SLC3A1: variants seen among roughly 807,000 people sequenced by gnomAD.
The protein encoded by SLC3A1 is solute carrier family 3 member 1.
A neutral mutation model predicts 60.3 loss-of-function variants in SLC3A1; 78 were observed. That is an observed-to-expected ratio of 1.29 (90% CI 1.08 to 1.56). The LOEUF (loss-of-function observed/expected upper bound fraction) is 1.56. Among genes scored for constraint, SLC3A1 ranks in the 40% most tolerant of loss-of-function variants. SLC3A1 has a pLI of 0.00. For synonymous variants in SLC3A1, 392 were observed against 307.9 expected (o/e 1.27, Z -2.86); for missense variants, 1,172 against 858.9 (o/e 1.36, Z -4.56).
intron 4 of SLC3A1, among the ~76,000 whole-genome samples, chr2:44,287,900 G>T (rs978756180): frequency 3.9e-5 from 6 of 152,158 alleles, no homozygotes; most frequent in Admixed American, 3.9e-4. Context: ...AGAACCCTTG[G>T]TTTAGTTTAA....
At chr2:44,320,107 T>C in intron 9 of SLC3A1, 92 bp from the exon 10 acceptor site, 1 of 1,156,794 alleles carries the variant, frequency 8.6e-7, no homozygotes, top group South Asian at 1.4e-5. Flanking sequence ...GAGCAAGTGT[T>C]TTGGGTAAAT....
At chr2:44,295,284 G>A (rs886492936) in intron 4 of SLC3A1, among the ~76,000 whole-genome samples, 5 of 152,174 alleles carry the variant, frequency 3.3e-5, no homozygotes, top group African/African-American at 4.8e-5. Context: ...AAAACCAGGA[G>A]TGCGTGATGT....
intron 4 of SLC3A1, among the ~76,000 whole-genome samples, chr2:44,294,074 A>G (rs555058061): frequency 6.6e-6 from 1 of 152,324 alleles, no homozygotes; most frequent in African/African-American, 2.4e-5. Flanking sequence ...GAGCACTGAC[A>G]TCAAAGAGCT....
intron 1 of SLC3A1, among the ~76,000 whole-genome samples, chr2:44,277,350 GC>G (rs539056012): frequency 6.6e-6 from 1 of 151,688 alleles, no homozygotes; most frequent in Non-Finnish European, 1.5e-5. Flanking sequence ...CAGGTGATTT[GC>G]CCCCCCTTGG....
chr2:44,313,742 G>C (rs1313522293), intron 8 of SLC3A1, 93 bp from the exon 9 acceptor site: 12 of 1,033,948 alleles, frequency 1.2e-5, no homozygotes, highest in Non-Finnish European at 1.7e-5. Flanking sequence ...TAAGAACTAT[G>C]GGGAATTAAA....
intron 7 of SLC3A1, 70 bp from the exon 8 acceptor site, chr2:44,312,516 C>T (rs775996864): frequency 4.9e-4 from 752 of 1,546,890 alleles, no homozygotes; most frequent in Non-Finnish European, 5.5e-4. Flanking sequence ...TGTGAACTTT[C>T]TGTGAAATAG....
intron 7 of SLC3A1, among the ~76,000 whole-genome samples, chr2:44,309,669 G>T (rs768976927): frequency 5.9e-5 from 9 of 151,992 alleles, no homozygotes; most frequent in Non-Finnish European, 1.2e-4. Context: ...GTATGATCTC[G>T]GCTCACTGCA....
chr2:44,307,654 AGTAAT>A (rs1672191391), intron 7 of SLC3A1, among the ~76,000 whole-genome samples: 1 of 147,938 alleles, frequency 6.8e-6, no homozygotes, highest in Non-Finnish European at 1.5e-5. Context: ...TCTTATTTGG[AGTAAT>A]GTCTGTTCAG....
At chr2:44,284,967 G>T (rs1671581457) in intron 3 of SLC3A1, 1 of 152,070 alleles carries the variant, frequency 6.6e-6, no homozygotes, top group Non-Finnish European at 1.5e-5. Flanking sequence ...AATTCCTAAT[G>T]ATGTTGAACA....
In SLC3A1 at chr2:44,305,768, T is replaced by C. The variant is rs1558465425; in HGVS notation, c.1332+1430T>C. Among the ~76,000 whole-genome samples the C allele has an allele frequency of 2.0e-5, 3 of 152,194 alleles. No homozygotes were observed. The South Asian group carries it at 6.2e-4, about 32-fold the overall frequency. ...TATATTATAAATGTAAACTCTAAAA[T>C]GCCTCTTTAGTCTCGATAATCCTCC... On this transcript the variant is annotated intron_variant, in intron 7 of 9. Coordinates refer to ENST00000260649, the MANE Select transcript of SLC3A1 (RefSeq NM_000341.4).
intron 8 of SLC3A1, 71 bp from the exon 9 acceptor site, chr2:44,313,764 T>A: frequency 8.6e-7 from 1 of 1,160,778 alleles, no homozygotes; most frequent in Non-Finnish European, 1.3e-6. Flanking sequence ...AATTATGAAG[T>A]AAATCAGGAC....
At chr2:44,313,109 C>T (rs895467563) in intron 8 of SLC3A1, among the ~76,000 whole-genome samples, 2 of 152,034 alleles carry the variant, frequency 1.3e-5, no homozygotes, top group African/African-American at 2.4e-5. Context: ...TGACTCATTT[C>T]CCTCTACTTG....
At chr2:44,304,712 A>G (rs1672108350) in intron 7 of SLC3A1, among the ~76,000 whole-genome samples, 1 of 152,122 alleles carries the variant, frequency 6.6e-6, no homozygotes, top group Admixed American at 6.5e-5. Flanking sequence ...CTGTGACAAA[A>G]CACCAATTTG....
At chr2:44,300,373 T>C (rs564527181) in intron 5 of SLC3A1, among the ~76,000 whole-genome samples, 2 of 152,264 alleles carry the variant, frequency 1.3e-5, no homozygotes, top group South Asian at 4.1e-4. Context: ...GGCCACAAAA[T>C]AGAGGACATT....
At chr2:44,290,573 A>G (rs1671719717) in intron 4 of SLC3A1, among the ~76,000 whole-genome samples, 1 of 151,990 alleles carries the variant, frequency 6.6e-6, no homozygotes, top group African/African-American at 2.4e-5. Context: ...ATGTCTTTCC[A>G]TTTATTTACG....
At position 44,320,828 on chromosome 2, in the gene SLC3A1, T is replaced by C. The variant is rs1427938464; in HGVS notation, c.*189T>C. Reference sequence around the variant, plus strand: ...AAATAAAATGTTTAAAAGTAAATTATGGCTTATAGGAGCTTATAACTTTAT... The same window carrying C: ...AAATAAAATGTTTAAAAGTAAATTACGGCTTATAGGAGCTTATAACTTTAT... On this transcript the variant is annotated 3_prime_UTR_variant, in exon 10 of 10. Transcript: ENST00000260649. 2.7e-5 allele frequency: 17 copies of C among 621,146 alleles called. No homozygotes were observed. The highest frequency in any genetic ancestry group is 2.5e-4 in the South Asian group (13 of 52,366). 38.5% of individuals were successfully genotyped at this position (621,146 alleles called of 1,614,324 possible). A position where few individuals can be genotyped will look rare whatever the true frequency, so the allele number is the denominator to read the frequency against.
intron 6 of SLC3A1, among the ~76,000 whole-genome samples, chr2:44,302,557 T>C (rs1355014971): frequency 6.6e-6 from 1 of 152,202 alleles, no homozygotes; most frequent in Non-Finnish European, 1.5e-5. Context: ...ACTGAAGCAG[T>C]TGGGCTCCAG....
chr2:44,298,347 C>G (rs1004860150), intron 4 of SLC3A1, among the ~76,000 whole-genome samples: 3 of 151,974 alleles, frequency 2.0e-5, no homozygotes, highest in Non-Finnish European at 2.9e-5. Flanking sequence ...TTATGCTCCT[C>G]TGGCCACACT....
rs762610587 is a variant in SLC3A1, at chr2:44,299,925, A to T, written c.892-46A>T. On this transcript the variant is annotated intron_variant, in intron 4 of 9. Transcript: ENST00000260649. ...CAAAACTTTGATTAAACGTTGTGAT[A>T]ATAACGTAGTTAATGTAACCAAGCA... The T allele has an allele frequency of 1.9e-6, 3 of 1,605,174 alleles. No individual in the cohort carries two copies. The South Asian group carries it at 3.3e-5, about 18-fold the overall frequency.
Sources: gnomAD v4.1 joint callset for allele counts (sites outside exome capture counted in the v4.1 genomes callset) on GRCh38, gnomAD v4.1.1 for gene constraint, MANE v1.5 for transcripts, NCBI Gene and HGNC (gene_info 2026-07-23, HGNC 2026-07-21) for gene names.